The following EYS variants were observed in gnomAD, a reference collection of about 807,000 sequenced individuals.
The protein encoded by EYS is EGF-like photoreceptor maintenance factor, also known as protein eyes shut homolog.
Under a neutral mutation model 282.1 loss-of-function variants are expected in EYS, and 250 were observed. The ratio of observed to expected loss-of-function variants is 0.89; its 90% CI spans 0.80 to 0.98. EYS has a LOEUF of 0.98. EYS is among the 50% of genes least tolerant of loss of function. The pLI, the probability that EYS is intolerant of heterozygous loss-of-function variation, is 0.00. For missense variants in EYS, 4,016 were observed against 3,709.0 expected, an observed-to-expected ratio of 1.08 and a Z score of -2.15; for synonymous variants, 1,355 against 1,282.9, an observed-to-expected ratio of 1.06 and a Z score of -1.20.
rs143585058 is a variant in EYS, at chr6:65,537,016, A to G, written c.-332-41023T>C. On this transcript the variant is annotated intron_variant, in intron 2 of 42. Coordinates refer to ENST00000503581, the MANE Select transcript of EYS (RefSeq NM_001142800.2). Reference sequence around the variant, plus strand: ...GATGTATGTAGCCACATATGAATACATGGACATAGAATGAGTTCATGTCCC... The same window carrying G: ...GATGTATGTAGCCACATATGAATACGTGGACATAGAATGAGTTCATGTCCC... Among the ~76,000 whole-genome samples the G allele has an allele frequency of 1.5e-3, 226 of 152,324 alleles. 1 individual carries two copies. In the East Asian group the frequency reaches 0.027, roughly 18 times the overall value.
Position 63,720,735 on chromosome 6 carries a change from A to G in EYS, c.9296T>C (p.Val3099Ala). Residue 3099 changes from valine (V) to alanine (A), a missense_variant, in exon 43 of 43, where the codon GTT (valine) becomes GCT (alanine). Transcript: ENST00000503581. ...GFEYGRKVNI[V>A]TQEIFKTNFV... ...ATTGGTTTTAAAAATCTCTTGAGTA[A>G]CGATATTTACCTTTCTACCATATTC... is the stretch of plus-strand genomic sequence containing the variant. 6.5e-7 allele frequency: 1 copy of G among 1,549,472 alleles called. No individual in the cohort carries two copies. Among genetic ancestry groups the G allele is most frequent in the Non-Finnish European group, 8.7e-7 (1 of 1,146,112 alleles).
chr6:64,501,698 A>G (rs1404730282), intron 26 of EYS, among the ~76,000 whole-genome samples: 1 of 152,182 alleles, frequency 6.6e-6, no homozygotes, highest in East Asian at 1.9e-4. Context: ...GTAAAACCAG[A>G]TAAGTATCAT....
chr6:65,010,644 T>C (rs1038698506), intron 13 of EYS, among the ~76,000 whole-genome samples: 54 of 152,316 alleles, frequency 3.5e-4, no homozygotes, highest in East Asian at 3.9e-4. Context: ...GATAATGGAA[T>C]ACTTGAAAGT....
At chr6:65,117,612 T>C (rs540967960) in intron 12 of EYS, among the ~76,000 whole-genome samples, 31 of 152,280 alleles carry the variant, frequency 2.0e-4, no homozygotes, top group African/African-American at 7.5e-4. Context: ...GACTAGCTGA[T>C]TTGAGGACCA....
chr6:64,455,624 G>T (rs1401735421), intron 26 of EYS, among the ~76,000 whole-genome samples: 1 of 151,914 alleles, frequency 6.6e-6, no homozygotes, highest in Non-Finnish European at 1.5e-5. Flanking sequence ...CTCCCGACAA[G>T]ACCTGGTGTG....
chr6:64,591,470 T>C lies in EYS; in HGVS notation c.4397A>G (p.Gln1466Arg). ...SATPVVSRGA[Q>R]EDIEEYSADS... ...AGCTGAATATTCTTCAATATCCTCT[T>C]GAGCCCCCCTAGAGACAACTGGAGT... Residue 1466 changes from glutamine (Q) to arginine (R), a missense_variant, in exon 26 of 43, where the codon CAA becomes CGA. Gln to Arg is a conservative substitution (Grantham distance 43, BLOSUM62 1). Coordinates refer to ENST00000503581, the MANE Select transcript of EYS (RefSeq NM_001142800.2). 1.1e-5 allele frequency: 17 copies of C among 1,551,370 alleles called. No homozygotes were observed. The highest frequency in any genetic ancestry group is 2.4e-5 in the East Asian group (1 of 40,896).
intron 2 of EYS, among the ~76,000 whole-genome samples, chr6:65,618,807 G>C (rs554730292): frequency 0.013 from 2,052 of 152,178 alleles, 14 homozygotes; most frequent in African/African-American, 0.018. Flanking sequence ...TATTAAATAG[G>C]GAATCCTTTC....
At chr6:65,313,112 A>G (rs555506928) in intron 11 of EYS, among the ~76,000 whole-genome samples, 63 of 152,192 alleles carry the variant, frequency 4.1e-4, no homozygotes, top group Middle Eastern at 3.4e-3. Flanking sequence ...ACAAGTCTAG[A>G]TGGCCCTGGC....
intron 1 of EYS, among the ~76,000 whole-genome samples, chr6:65,654,575 C>T (rs1433551693): frequency 2.0e-5 from 3 of 151,710 alleles, no homozygotes; most frequent in African/African-American, 4.8e-5. Context: ...TCAGAAATTA[C>T]ATCTAAAGTG....
chr6:64,113,191 A>G (rs1377755641), intron 31 of EYS, among the ~76,000 whole-genome samples: 2 of 152,166 alleles, frequency 1.3e-5, no homozygotes, highest in Non-Finnish European at 2.9e-5. Flanking sequence ...ATACTAAGTT[A>G]TAAACTTTTA....
At chr6:65,443,467 A>T (rs1258839673) in intron 5 of EYS, among the ~76,000 whole-genome samples, 1 of 144,222 alleles carries the variant, frequency 6.9e-6, no homozygotes, top group Non-Finnish European at 1.6e-5. Context: ...TACGCCATAC[A>T]CATGCACATA....
chr6:64,506,450 G>A (rs1015059860), intron 26 of EYS, among the ~76,000 whole-genome samples: 3 of 152,108 alleles, frequency 2.0e-5, no homozygotes, highest in African/African-American at 7.2e-5. Flanking sequence ...GTACACTTAC[G>A]CTTTGGATGG....
intron 22 of EYS, among the ~76,000 whole-genome samples, chr6:64,732,346 T>C (rs1379026431): frequency 2.0e-5 from 3 of 152,106 alleles, no homozygotes. Flanking sequence ...CTGGACTGGA[T>C]TGCAGAGAAA....
intron 14 of EYS, among the ~76,000 whole-genome samples, chr6:64,953,614 C>T (rs1428612857): frequency 6.6e-6 from 1 of 151,682 alleles, no homozygotes. Flanking sequence ...AATATGATTT[C>T]TTTCAGCAAG....
intron 22 of EYS, among the ~76,000 whole-genome samples, chr6:64,647,876 G>A (rs146512197): frequency 6.6e-6 from 1 of 151,986 alleles, no homozygotes; most frequent in African/African-American, 2.4e-5. Context: ...AGGGTTTATA[G>A]AATGCATGAG....
chr6:64,751,453 C>T (rs1461348688), intron 22 of EYS, among the ~76,000 whole-genome samples: 1 of 152,188 alleles, frequency 6.6e-6, no homozygotes, highest in African/African-American at 2.4e-5. Context: ...TGCCCCCGGA[C>T]TCCTCATTGG....
At chr6:63,863,921 G>A (rs1469738212) in intron 36 of EYS, among the ~76,000 whole-genome samples, 3 of 151,984 alleles carry the variant, frequency 2.0e-5, no homozygotes, top group East Asian at 1.9e-4. Context: ...TGATCCACCC[G>A]CCTCAGCGTC....
At chr6:64,548,524 C>T (rs982385624) in intron 26 of EYS, among the ~76,000 whole-genome samples, 9 of 152,070 alleles carry the variant, frequency 5.9e-5, no homozygotes, top group African/African-American at 1.9e-4. Flanking sequence ...TCATGTGCTT[C>T]GTGGGGACAT....
intron 29 of EYS, among the ~76,000 whole-genome samples, chr6:64,345,326 C>T (rs1771340441): frequency 6.6e-6 from 1 of 152,130 alleles, no homozygotes; most frequent in South Asian, 2.1e-4. Context: ...GTAACCAAAA[C>T]AGCATGGTAC....
Sources: gnomAD v4.1 joint callset for allele counts (sites outside exome capture counted in the v4.1 genomes callset) on GRCh38, gnomAD v4.1.1 for gene constraint, MANE v1.5 for transcripts, NCBI Gene and HGNC (gene_info 2026-07-23, HGNC 2026-07-21) for gene names.